The following SORCS1 variants were observed in gnomAD, a reference collection of about 807,000 sequenced individuals.
The protein encoded by SORCS1 is VPS10 domain-containing receptor SorCS1.
SORCS1 carries 60 observed loss-of-function variants against 146.1 expected under a neutral mutation model. The observed-to-expected ratio is 0.41, with a 90% CI of 0.33 to 0.51. The LOEUF (loss-of-function observed/expected upper bound fraction) is 0.51. Ranked by LOEUF, SORCS1 falls within the 20% of genes least tolerant of loss-of-function variation. The pLI is 0.21. For missense variants in SORCS1, 1,352 were observed against 1,487.6 expected (o/e 0.91, Z 1.50); for synonymous variants, 637 against 584.0 (o/e 1.09, Z -1.31).
At chr10:107,022,569 C>G (rs1183453244) in intron 1 of SORCS1, among the ~76,000 whole-genome samples, 1 of 151,980 alleles carries the variant, frequency 6.6e-6, no homozygotes, top group African/African-American at 2.4e-5. Flanking sequence ...CAGTCATTAG[C>G]ATGTCTAACA....
At chr10:107,035,810 TTGAA>T (rs1285418483) in intron 1 of SORCS1, among the ~76,000 whole-genome samples, 2 of 152,040 alleles carry the variant, frequency 1.3e-5, no homozygotes, top group African/African-American at 2.4e-5. Context: ...AGTGCTTTAC[TTGAA>T]TGGTCTCATT....
chr10:106,944,780 A>C (rs1954226080), intron 2 of SORCS1, among the ~76,000 whole-genome samples: 1 of 151,932 alleles, frequency 6.6e-6, no homozygotes, highest in South Asian at 2.1e-4. Flanking sequence ...CAGACAATAG[A>C]GAAGTAATGA....
At chr10:106,912,121 A>AAACAAAC (rs1564802466) in intron 2 of SORCS1, among the ~76,000 whole-genome samples, 2 of 149,046 alleles carry the variant, frequency 1.3e-5, no homozygotes, top group African/African-American at 5.0e-5. Flanking sequence ...TCAAAAAAAA[A>AAACAAAC]AAACAAACAA....
chr10:107,089,465 T>C (rs907796932), intron 1 of SORCS1, among the ~76,000 whole-genome samples: 2 of 152,322 alleles, frequency 1.3e-5, no homozygotes, highest in African/African-American at 4.8e-5. Flanking sequence ...TTTAAAAATC[T>C]GCAGAAATTA....
intron 2 of SORCS1, among the ~76,000 whole-genome samples, chr10:106,940,163 T>C (rs114393444): frequency 1.0e-3 from 154 of 152,346 alleles, no homozygotes; most frequent in African/African-American, 3.6e-3. Flanking sequence ...TTAATATCTG[T>C]CACCTCCCTC....
At chr10:107,145,622 G>C (rs1257575676) in intron 1 of SORCS1, among the ~76,000 whole-genome samples, 2 of 152,116 alleles carry the variant, frequency 1.3e-5, no homozygotes, top group East Asian at 3.8e-4. Flanking sequence ...AAATAATAAA[G>C]TCCATTAAAA....
intron 2 of SORCS1, among the ~76,000 whole-genome samples, chr10:106,938,548 G>T (rs181630833): frequency 5.4e-4 from 83 of 152,342 alleles, no homozygotes; most frequent in Admixed American, 2.7e-3. Context: ...CTGCAGTCCA[G>T]ACAGTAGCTG....
At chr10:106,716,250 C>T (rs1382733596) in intron 6 of SORCS1, among the ~76,000 whole-genome samples, 2 of 152,300 alleles carry the variant, frequency 1.3e-5, no homozygotes, top group South Asian at 2.1e-4. Flanking sequence ...ACACACAGGG[C>T]CAATCAGCAG....
chr10:106,933,687 A>C (rs1953536590), intron 2 of SORCS1, among the ~76,000 whole-genome samples: 1 of 152,130 alleles, frequency 6.6e-6, no homozygotes, highest in Non-Finnish European at 1.5e-5. Context: ...GTCAAGTTTT[A>C]CCTGCTCCAA....
Position 106,716,372 on chromosome 10 carries a change from T to C in SORCS1, c.1025-7031A>G, listed in dbSNP as rs74526095. Among the ~76,000 whole-genome samples, 4 of 152,316 alleles carry C rather than the reference T, an allele frequency of 2.6e-5. No homozygotes were observed. The East Asian group carries it at 5.8e-4, about 22-fold the overall frequency. ...ATCAACCAAGCTCAGTTTTAGACTA[T>C]TTCTTTACATAATGAGAGTTATTAG... On this transcript the variant is annotated intron_variant, in intron 6 of 25. Coordinates refer to ENST00000263054, the MANE Select transcript of SORCS1 (RefSeq NM_052918.5).
chr10:106,593,110 C>A (rs1845705259), intron 24 of SORCS1, among the ~76,000 whole-genome samples: 1 of 146,194 alleles, frequency 6.8e-6, no homozygotes, highest in Non-Finnish European at 1.5e-5. Flanking sequence ...GCTTGGGTGA[C>A]TGGGTGAGAC....
intron 2 of SORCS1, among the ~76,000 whole-genome samples, chr10:106,938,058 C>G (rs1953843343): frequency 6.6e-6 from 1 of 151,720 alleles, no homozygotes; most frequent in African/African-American, 2.4e-5. Flanking sequence ...TCCTTAACCA[C>G]AGCTTGGACA....
At chr10:106,973,010 T>A (rs896888236) in intron 1 of SORCS1, among the ~76,000 whole-genome samples, 2 of 151,952 alleles carry the variant, frequency 1.3e-5, no homozygotes, top group African/African-American at 4.8e-5. Context: ...GGCTGAGGGG[T>A]CATCTTTGTA....
At chr10:106,811,173 C>G (rs937446913) in intron 3 of SORCS1, among the ~76,000 whole-genome samples, 6 of 152,110 alleles carry the variant, frequency 3.9e-5, no homozygotes, top group African/African-American at 1.4e-4. Flanking sequence ...CTTCTGACCT[C>G]ATGATCCACC....
At chr10:107,001,364 C>G (rs1437668834) in intron 1 of SORCS1, among the ~76,000 whole-genome samples, 1 of 151,986 alleles carries the variant, frequency 6.6e-6, no homozygotes, top group Non-Finnish European at 1.5e-5. Context: ...ACGTTTCAGA[C>G]CAATTACTCC....
chr10:106,657,270 A>T (rs998397391), intron 17 of SORCS1, among the ~76,000 whole-genome samples: 1 of 152,186 alleles, frequency 6.6e-6, no homozygotes, highest in Non-Finnish European at 1.5e-5. Context: ...AATACTACTC[A>T]GTCATAAAAA....
intron 19 of SORCS1, among the ~76,000 whole-genome samples, chr10:106,624,120 G>A (rs1014463790): frequency 6.6e-6 from 1 of 152,126 alleles, no homozygotes; most frequent in African/African-American, 2.4e-5. Flanking sequence ...CGGTGACAGA[G>A]TGCTATTTTT....
In SORCS1 at chr10:107,038,577, C is replaced by T. The variant is rs143765700; in HGVS notation, c.559-81997G>A. 6.3e-3 allele frequency among the ~76,000 whole-genome samples: 951 copies of T among 152,158 alleles called. 5 individuals carry two copies. The highest frequency in any genetic ancestry group is 8.7e-3 in the Non-Finnish European group (590 of 68,018). ...TCAGAGGTGACTTCCAGCTCTGAAT[C>T]GGCTGCCTAGTAACTATGTGGTCTC... On this transcript the variant is annotated intron_variant, in intron 1 of 25. Transcript: ENST00000263054.
intron 2 of SORCS1, among the ~76,000 whole-genome samples, chr10:106,914,425 G>C (rs1184650636): frequency 6.6e-6 from 1 of 152,108 alleles, no homozygotes; most frequent in Non-Finnish European, 1.5e-5. Flanking sequence ...TTAACTAAAG[G>C]GGCCTGGGGC....
Sources: gnomAD v4.1 joint callset for allele counts (sites outside exome capture counted in the v4.1 genomes callset) on GRCh38, gnomAD v4.1.1 for gene constraint, MANE v1.5 for transcripts, NCBI Gene and HGNC (gene_info 2026-07-23, HGNC 2026-07-21) for gene names.